Variants in PLXNA4 observed in about 807,000 individuals in gnomAD.
The protein encoded by PLXNA4 is plexin A4, also known as plexin-A4.
Under a neutral mutation model 191.8 loss-of-function variants are expected in PLXNA4, and 44 were observed. The observed-to-expected ratio is 0.23, with a 90% CI of 0.18 to 0.29. The LOEUF is 0.29. Among genes scored for constraint, PLXNA4 ranks in the 10% least tolerant of loss-of-function variants. The pLI is 1.00. For synonymous variants in PLXNA4, 1,082 were observed against 1,009.5 expected (o/e 1.07, Z -1.36); for missense variants, 1,800 against 2,488.8 (o/e 0.72, Z 5.89).
intron 5 of PLXNA4, among the ~76,000 whole-genome samples, chr7:132,231,319 TATC>T (rs1229292137): frequency 6.6e-6 from 1 of 152,228 alleles, no homozygotes; most frequent in Non-Finnish European, 1.5e-5. Context: ...TAGCTAGTAT[TATC>T]ATCTTATCCT....
rs140470038 is a variant in PLXNA4, at chr7:132,217,489, C to T, written c.2097+6038G>A. Reference sequence around the variant, plus strand: ...GGGAAAACAGAGCTCTAGGGAAGAACAGGGACCTGGGGAAGCTAAGGAAGA... The same window carrying T: ...GGGAAAACAGAGCTCTAGGGAAGAATAGGGACCTGGGGAAGCTAAGGAAGA... On this transcript the variant is annotated intron_variant, in intron 9 of 31. Transcript: ENST00000321063. Among the ~76,000 whole-genome samples the T allele has an allele frequency of 1.4e-4, 22 of 152,194 alleles. No individual in the cohort carries two copies. In the Middle Eastern group the frequency reaches 0.01, roughly 71 times the overall value.
intron 3 of PLXNA4, among the ~76,000 whole-genome samples, chr7:132,335,813 C>T (rs1001690651): frequency 6.6e-6 from 1 of 152,206 alleles, no homozygotes; most frequent in Admixed American, 6.5e-5. Flanking sequence ...CTAACCCATG[C>T]ACCTGGATCT....
chr7:132,187,847 T>G lies in PLXNA4; in HGVS notation c.2857-240A>C, dbSNP rs10270373. On this transcript the variant is annotated intron_variant, in intron 14 of 31. Transcript: ENST00000321063. ...CTAATAGCTGCCATGTACTTATTTT[T>G]TAAGTGTCAGATTGTACATCTTCAT... is the stretch of plus-strand genomic sequence containing the variant. Among the ~76,000 whole-genome samples, 950 of 152,292 alleles carry G rather than the reference T, an allele frequency of 6.2e-3. 12 individuals are homozygous for G. The highest frequency in any genetic ancestry group is 0.022 in the African/African-American group (916 of 41,564).
chr7:132,579,713 G>T (rs185320222), upstream of PLXNA4, among the ~76,000 whole-genome samples: 4 of 152,126 alleles, frequency 2.6e-5, no homozygotes, highest in Non-Finnish European at 5.9e-5. Context: ...GGCAGGTGAG[G>T]GGCCCAGCGA....
chr7:132,134,828 C>A (rs553291340), intron 30 of PLXNA4, among the ~76,000 whole-genome samples: 64 of 152,266 alleles, frequency 4.2e-4, no homozygotes, highest in African/African-American at 1.5e-3. Context: ...ACCTTCAGAA[C>A]CCTCAGGGCC....
At chr7:132,539,000 C>T (rs1799960723) in intron 1 of PLXNA4, among the ~76,000 whole-genome samples, 1 of 152,194 alleles carries the variant, frequency 6.6e-6, no homozygotes, top group South Asian at 2.1e-4. Flanking sequence ...TGTAATAACT[C>T]ACATCTTCTA....
intron 3 of PLXNA4, among the ~76,000 whole-genome samples, chr7:132,480,085 A>T (rs1216195922): frequency 6.6e-6 from 1 of 152,236 alleles, no homozygotes; most frequent in Non-Finnish European, 1.5e-5. Flanking sequence ...GAAATAGCAA[A>T]GCCAACACGG....
At chr7:132,340,927 C>T (rs1803004354) in intron 3 of PLXNA4, among the ~76,000 whole-genome samples, 1 of 152,194 alleles carries the variant, frequency 6.6e-6, no homozygotes. Context: ...GATCTGCCTG[C>T]CTCAGCCTCC....
intron 3 of PLXNA4, among the ~76,000 whole-genome samples, chr7:132,331,122 C>A (rs771189153): frequency 2.6e-5 from 4 of 152,198 alleles, no homozygotes; most frequent in Non-Finnish European, 2.9e-5. Flanking sequence ...CAGCTTTGTT[C>A]TGCATCACCT....
At chr7:132,365,608 T>A (rs762033378) in intron 3 of PLXNA4, among the ~76,000 whole-genome samples, 2 of 152,124 alleles carry the variant, frequency 1.3e-5, no homozygotes, top group Non-Finnish European at 2.9e-5. Flanking sequence ...AAGGCATTTT[T>A]ACATGAGGCA....
At chr7:132,476,935 G>A (rs1187107767) in intron 3 of PLXNA4, among the ~76,000 whole-genome samples, 2 of 152,154 alleles carry the variant, frequency 1.3e-5, no homozygotes, top group Non-Finnish European at 2.9e-5. Context: ...TTCAGTTTCA[G>A]TTTTAGGAGG....
At chr7:132,197,240 G>A (rs1156235273) in intron 13 of PLXNA4, among the ~76,000 whole-genome samples, 1 of 152,060 alleles carries the variant, frequency 6.6e-6, no homozygotes, top group Non-Finnish European at 1.5e-5. Context: ...GGTGTGTAAT[G>A]TGGAATAAGG....
At chr7:132,319,113 C>T (rs1156379569) in intron 3 of PLXNA4, among the ~76,000 whole-genome samples, 1 of 152,214 alleles carries the variant, frequency 6.6e-6, no homozygotes, top group Non-Finnish European at 1.5e-5. Flanking sequence ...ACCTCCTCTC[C>T]TCTCTTCCAT....
chr7:132,547,570 T>C (rs1370068743), intron 1 of PLXNA4, among the ~76,000 whole-genome samples: 3 of 152,046 alleles, frequency 2.0e-5, no homozygotes, highest in Admixed American at 6.5e-5. Flanking sequence ...CTGGGAGCTG[T>C]CTGGGGCTCC....
intron 24 of PLXNA4, among the ~76,000 whole-genome samples, chr7:132,160,912 A>C (rs1795930816): frequency 7.8e-6 from 1 of 128,914 alleles, no homozygotes; most frequent in African/African-American, 2.5e-5. Flanking sequence ...TGCTTATTCC[A>C]TTAAGAAGGG....
intron 10 of PLXNA4, among the ~76,000 whole-genome samples, chr7:132,208,734 C>T (rs189946186): frequency 1.6e-4 from 24 of 152,302 alleles, no homozygotes; most frequent in Non-Finnish European, 2.6e-4. Context: ...ATTCAACACC[C>T]GACAGACAGA....
intron 1 of PLXNA4, among the ~76,000 whole-genome samples, chr7:132,539,235 T>C (rs543908993): frequency 5.1e-4 from 77 of 152,234 alleles, no homozygotes; most frequent in African/African-American, 1.8e-3. Flanking sequence ...CCGTGCCCTG[T>C]CCAAGGCCAC....
At chr7:132,515,328 A>G (rs908309053) in intron 1 of PLXNA4, among the ~76,000 whole-genome samples, 2 of 152,204 alleles carry the variant, frequency 1.3e-5, no homozygotes, top group Admixed American at 1.3e-4. Flanking sequence ...AAATGTCTCA[A>G]TTGTGTCCAC....
chr7:132,164,416 TA>T, intron 23 of PLXNA4, 128 bp from the exon 24 acceptor site: 1 of 1,371,230 alleles, frequency 7.3e-7, no homozygotes, highest in South Asian at 1.5e-5. Context: ...CCTGCTTTTA[TA>T]CTCAGCTCTT....
Sources: gnomAD v4.1 joint callset for allele counts (sites outside exome capture counted in the v4.1 genomes callset) on GRCh38, gnomAD v4.1.1 for gene constraint, MANE v1.5 for transcripts, NCBI Gene and HGNC (gene_info 2026-07-23, HGNC 2026-07-21) for gene names.